The following DHRS12 variants were observed in gnomAD, a reference collection of about 807,000 sequenced individuals.
DHRS12 encodes dehydrogenase/reductase SDR family member 12.
In DHRS12, 29 loss-of-function variants were observed where a neutral mutation model predicts 32.1. The observed-to-expected ratio is 0.90, with a 90% confidence interval of 0.67 to 1.23. The LOEUF is 1.23. Among genes scored for constraint, DHRS12 ranks in the 50% most tolerant of loss-of-function variants. The probability of loss-of-function intolerance (pLI) is 0.00; values close to 1 mark genes in which losing one functional copy is unlikely to be tolerated. For missense variants in DHRS12, 330 were observed against 337.2 expected, an observed-to-expected ratio of 0.98 and a Z score of 0.17; for synonymous variants, 150 against 135.9, an observed-to-expected ratio of 1.10 and a Z score of -0.72.
chr13:51,788,537 T>C (rs1458405153), intron 4 of DHRS12, among the ~76,000 whole-genome samples: 2 of 152,010 alleles, frequency 1.3e-5, no homozygotes, highest in South Asian at 4.2e-4. Flanking sequence ...GCCAGGGAGA[T>C]GGAGCACGTT....
chr13:51,797,100 C>T lies in DHRS12; in HGVS notation c.126+2434G>A, dbSNP rs763642727. 5.9e-5 allele frequency among the ~76,000 whole-genome samples: 9 copies of T among 152,140 alleles called. No homozygotes were observed. In the East Asian group the frequency reaches 1.2e-3, roughly 20 times the overall value. ...GAGGATGTTCTTTAGTGACAGTGAGCGAGCAGCCATGACTGAGGGTCCTTT... is the reference window on the plus strand; with the variant it reads ...GAGGATGTTCTTTAGTGACAGTGAGTGAGCAGCCATGACTGAGGGTCCTTT... On this transcript the variant is annotated intron_variant, in intron 2 of 8. Coordinates refer to ENST00000444610, the MANE Select transcript of DHRS12 (RefSeq NM_001377533.1).
At chr13:51,796,877 T>C (rs1955534220) in intron 2 of DHRS12, among the ~76,000 whole-genome samples, 1 of 152,206 alleles carries the variant, frequency 6.6e-6, no homozygotes, top group Admixed American at 6.5e-5. Flanking sequence ...GGGATTTCCA[T>C]GAGAAAGGGA....
At position 51,804,105 on chromosome 13, in the gene DHRS12, G is replaced by C. The variant is rs530047219; in HGVS notation, c.-60C>G. ...GAACCACACGACGCTGCGGTACAGG[G>C]ACATGCCGGGAGCGCCCCACGCCTA... is the stretch of plus-strand genomic sequence containing the variant. On this transcript the variant is annotated 5_prime_UTR_variant, in exon 1 of 9. Transcript: ENST00000444610. The C allele has an allele frequency of 1.3e-6, 2 of 1,490,074 alleles. No individual in the cohort carries two copies. The highest frequency in any genetic ancestry group is 1.3e-5 in the South Asian group (1 of 79,736). 92.3% of individuals were successfully genotyped at this position (1,490,074 alleles called of 1,614,324 possible).
At chr13:51,793,504 A>G (rs981283907) in intron 2 of DHRS12, among the ~76,000 whole-genome samples, 14 of 152,264 alleles carry the variant, frequency 9.2e-5, no homozygotes, top group African/African-American at 3.4e-4. Flanking sequence ...AAATGAGACA[A>G]AGCAACTCCA....
intron 4 of DHRS12, among the ~76,000 whole-genome samples, chr13:51,779,261 T>C (rs553730036): frequency 7.0e-4 from 107 of 152,224 alleles, no homozygotes; most frequent in Non-Finnish European, 1.2e-3. Flanking sequence ...CTGGCCCCCA[T>C]TGAATTAAGC....
intron 6 of DHRS12, among the ~76,000 whole-genome samples, chr13:51,773,220 C>T (rs1321465828): frequency 6.6e-6 from 1 of 152,128 alleles, no homozygotes; most frequent in East Asian, 1.9e-4. Context: ...ATATACATAA[C>T]GAGATATCTT....
At chr13:51,772,933 T>C in intron 6 of DHRS12, 1 of 985,242 alleles carries the variant, frequency 1.0e-6, no homozygotes, top group Non-Finnish European at 1.2e-6. Flanking sequence ...ACAGAAGAAG[T>C]GGAGGTGCAG....
At position 51,771,919 on chromosome 13, in the gene DHRS12, G is replaced by A. The variant is rs1460704508; in HGVS notation, c.469-8C>T. On this transcript the variant is annotated splice_region_variant and splice_polypyrimidine_tract_variant and intron_variant, in intron 6 of 8. Coordinates refer to ENST00000444610, the MANE Select transcript of DHRS12 (RefSeq NM_001377533.1). ...CAGAACCACTTGCTGCCTCTGGACA[G>A]GAAGGAGCGAGGGGGTGAACAGGAG... The A allele has an allele frequency of 6.2e-7, 1 of 1,613,882 alleles. No homozygotes were observed. The highest frequency in any genetic ancestry group is 1.7e-5 in the Admixed American group (1 of 59,998).
the DHRS12 span, chr13:51,756,370 G>A: frequency 6.2e-7 from 1 of 1,614,078 alleles, no homozygotes; most frequent in Non-Finnish European, 8.5e-7. Flanking sequence ...TCTGTGGCAA[G>A]TGCAGCTCCA....
At chr13:51,797,929 C>A in intron 2 of DHRS12, 1 of 1,535,212 alleles carries the variant, frequency 6.5e-7, no homozygotes, top group Non-Finnish European at 8.7e-7. Context: ...TCAATGAAAC[C>A]ATCTGTGAGT....
At chr13:51,756,317 A>G in the DHRS12 span, 1 of 1,609,398 alleles carries the variant, frequency 6.2e-7, no homozygotes, top group Non-Finnish European at 8.5e-7. Context: ...TATCTATTTT[A>G]TCTCCCTCCT....
At chr13:51,803,987 C>A in intron 1 of DHRS12, 67 bp downstream of exon 1, 4 of 1,375,586 alleles carry the variant, frequency 2.9e-6, no homozygotes, top group Non-Finnish European at 3.8e-6. Flanking sequence ...CCCGCCAACC[C>A]TGCTCGCCCG....
At position 51,792,424 on chromosome 13, in the gene DHRS12, C is replaced by T. The variant is rs536375781; in HGVS notation, c.127-1167G>A. 6.9e-4 allele frequency among the ~76,000 whole-genome samples: 105 copies of T among 151,466 alleles called. 1 individual carries two copies. The highest frequency in any genetic ancestry group is 2.5e-3 in the African/African-American group (102 of 41,290). ...TTGTTTTTTCTTGAGAAAAAGAGTG[C>T]CACTGCACTCTGTCGCCCAGGCTAG... On this transcript the variant is annotated intron_variant, in intron 2 of 8. Transcript: ENST00000444610.
chr13:51,764,337 G>A (rs923997626), downstream of DHRS12: 2 of 152,460 alleles, frequency 1.3e-5, no homozygotes, highest in Admixed American at 6.5e-5. Context: ...CCCAGCAGGT[G>A]TGGCAGGAGG....
At chr13:51,797,520 C>T (rs1047580986) in intron 2 of DHRS12, among the ~76,000 whole-genome samples, 1 of 152,218 alleles carries the variant, frequency 6.6e-6, no homozygotes, top group African/African-American at 2.4e-5. Flanking sequence ...CTGATGTGGG[C>T]TCCCTCTGAG....
At position 51,795,163 on chromosome 13, in the gene DHRS12, G is replaced by A. The variant is rs114451801; in HGVS notation, c.127-3906C>T. On this transcript the variant is annotated intron_variant, in intron 2 of 8. Transcript: ENST00000444610. ...TGCTCCCTGGCTCAGCTGGCCTGCC[G>A]CACACCTCACCCAGACCCTCCTGCC... Among the ~76,000 whole-genome samples the A allele has an allele frequency of 5.2e-3, 795 of 152,196 alleles. 6 individuals carry two copies. The highest frequency in any genetic ancestry group is 0.018 in the African/African-American group (742 of 41,522).
intron 6 of DHRS12, among the ~76,000 whole-genome samples, chr13:51,773,708 G>A (rs951876562): frequency 6.6e-6 from 1 of 152,080 alleles, no homozygotes; most frequent in Non-Finnish European, 1.5e-5. Flanking sequence ...GAGAGGAGAC[G>A]CAGTGGCTTT....
At chr13:51,780,995 C>T (rs983235309) in intron 4 of DHRS12, among the ~76,000 whole-genome samples, 2 of 152,212 alleles carry the variant, frequency 1.3e-5, no homozygotes, top group African/African-American at 2.4e-5. Context: ...CTTCCATCCA[C>T]GCTACTATCT....
At chr13:51,780,016 A>C (rs1954627656) in intron 4 of DHRS12, among the ~76,000 whole-genome samples, 1 of 152,018 alleles carries the variant, frequency 6.6e-6, no homozygotes. Flanking sequence ...ATCTCTACTA[A>C]AAATACAAAA....
Sources: allele counts gnomAD v4.1 joint callset (sites outside exome capture counted in the v4.1 genomes callset), GRCh38; gene constraint gnomAD v4.1.1; transcripts MANE v1.5; gene names NCBI Gene and HGNC (gene_info 2026-07-23, HGNC 2026-07-21).